NAV3: variants seen among roughly 807,000 people sequenced by gnomAD.
The protein encoded by NAV3 is pore membrane and/or filament interacting like protein 1.
Under a neutral mutation model 244.7 loss-of-function variants are expected in NAV3, and 87 were observed. The observed-to-expected ratio is 0.36, with a 90% CI of 0.30 to 0.42. NAV3 has a LOEUF of 0.42. Ranked by LOEUF, NAV3 falls within the 20% of genes least tolerant of loss-of-function variation. The pLI, the probability that NAV3 is intolerant of heterozygous loss-of-function variation, is 1.00. For synonymous variants in NAV3, 1,126 were observed against 1,042.2 expected, an observed-to-expected ratio of 1.08 and a Z score of -1.55; for missense variants, 2,663 against 2,893.3, an observed-to-expected ratio of 0.92 and a Z score of 1.83.
chr12:77,708,489 C>T (rs963105870), intron 2 of NAV3, among the ~76,000 whole-genome samples: 196 of 152,130 alleles, frequency 1.3e-3, no homozygotes, highest in East Asian at 8.3e-3. Flanking sequence ...AGTCAGGTAG[C>T]GTGATGCCTC....
At chr12:78,069,680 A>C (rs1406912167) in intron 12 of NAV3, among the ~76,000 whole-genome samples, 2 of 152,072 alleles carry the variant, frequency 1.3e-5, no homozygotes, top group African/African-American at 4.8e-5. Context: ...ATTTATATGC[A>C]GAACAATTAG....
chr12:77,657,394 A>G (rs1285388501), intron 2 of NAV3, among the ~76,000 whole-genome samples: 1 of 152,204 alleles, frequency 6.6e-6, no homozygotes, highest in African/African-American at 2.4e-5. Context: ...ACACTCTCCC[A>G]AGACTAAACC....
At chr12:78,161,966 A>G (rs1593851544) in intron 23 of NAV3, among the ~76,000 whole-genome samples, 2 of 152,134 alleles carry the variant, frequency 1.3e-5, no homozygotes, top group South Asian at 4.1e-4. Flanking sequence ...CAAGGAAGCT[A>G]TAGTACAAAG....
At chr12:77,853,076 T>C (rs974610226) in intron 1 of NAV3, among the ~76,000 whole-genome samples, 2 of 152,194 alleles carry the variant, frequency 1.3e-5, no homozygotes, top group Non-Finnish European at 2.9e-5. Flanking sequence ...CTAAAGTGGT[T>C]GTACCAGATT....
At chr12:77,914,593 G>T (rs998020870) in intron 1 of NAV3, among the ~76,000 whole-genome samples, 1 of 152,054 alleles carries the variant, frequency 6.6e-6, no homozygotes, top group Non-Finnish European at 1.5e-5. Flanking sequence ...GGGTTTGCTA[G>T]TGCTCTTTGG....
chr12:77,868,186 C>A (rs893307353), intron 1 of NAV3, among the ~76,000 whole-genome samples: 1 of 151,638 alleles, frequency 6.6e-6, no homozygotes, highest in African/African-American at 2.4e-5. Flanking sequence ...ATAATCAGGG[C>A]ATATGTTCCT....
rs11831543 is a variant in NAV3 at position 78,040,820 on chromosome 12, T to C, written c.2024-9173T>C. On this transcript the variant is annotated intron_variant, in intron 9 of 39. Transcript: ENST00000397909. The stretch of plus-strand genomic sequence containing the variant: ...CAATAACTGTATGAAATCTTTCATA[T>C]TGAATCTTAGGTTTAGTGCTTCTCC... Among the ~76,000 whole-genome samples the C allele has an allele frequency of 4.0e-3, 607 of 152,320 alleles. 7 individuals carry two copies. Among genetic ancestry groups the C allele is most frequent in the African/African-American group, 0.014 (584 of 41,578 alleles).
At chr12:78,179,447 A>C in intron 28 of NAV3, 82 bp from the exon 29 acceptor site, 2 of 1,517,642 alleles carry the variant, frequency 1.3e-6, no homozygotes, top group Non-Finnish European at 1.8e-6. Flanking sequence ...AGAATATTGC[A>C]GTGCAGCCTT....
At chr12:78,064,932 T>C (rs568662547) in intron 12 of NAV3, among the ~76,000 whole-genome samples, 6 of 151,756 alleles carry the variant, frequency 4.0e-5, no homozygotes, top group African/African-American at 1.5e-4. Flanking sequence ...AAGCCAAGAG[T>C]CTGGACTCTT....
At chr12:78,047,358 G>A (rs938358024) in intron 9 of NAV3, among the ~76,000 whole-genome samples, 4 of 152,060 alleles carry the variant, frequency 2.6e-5, no homozygotes, top group Non-Finnish European at 5.9e-5. Flanking sequence ...CTGGCAACGG[G>A]TGCCTGTAGT....
intron 2 of NAV3, among the ~76,000 whole-genome samples, chr12:77,594,620 T>C (rs532466908): frequency 8.0e-4 from 121 of 152,186 alleles, no homozygotes; most frequent in Admixed American, 3.6e-3. Context: ...GGCGAGTGAG[T>C]CATAAAAGAA....
chr12:77,779,496 A>G (rs1310195793), intron 2 of NAV3, among the ~76,000 whole-genome samples: 1 of 152,214 alleles, frequency 6.6e-6, no homozygotes, highest in Non-Finnish European at 1.5e-5. Flanking sequence ...TGAATAAAGT[A>G]TGAATGGTTC....
At chr12:78,159,461 C>T (rs563700472) in intron 23 of NAV3, among the ~76,000 whole-genome samples, 175 bp downstream of exon 23, 8 of 152,052 alleles carry the variant, frequency 5.3e-5, no homozygotes, top group East Asian at 1.9e-4. Context: ...GTCAGGAGTT[C>T]GAGACCAGCC....
chr12:77,701,843 G>A (rs1268831137), intron 2 of NAV3, among the ~76,000 whole-genome samples: 1 of 151,752 alleles, frequency 6.6e-6, no homozygotes, highest in Non-Finnish European at 1.5e-5. Context: ...AACATGTTTT[G>A]TAAGAGTTAA....
intron 1 of NAV3, among the ~76,000 whole-genome samples, chr12:77,922,589 A>C (rs1222326384): frequency 6.6e-6 from 1 of 152,146 alleles, no homozygotes; most frequent in Non-Finnish European, 1.5e-5. Context: ...CCACTGTTCC[A>C]GCTTAGGATC....
At chr12:77,905,467 T>G (rs900173815) in intron 1 of NAV3, among the ~76,000 whole-genome samples, 2 of 152,130 alleles carry the variant, frequency 1.3e-5, no homozygotes, top group African/African-American at 2.4e-5. Flanking sequence ...CCCTCACTTA[T>G]AGGACTGTTG....
chr12:77,816,190 C>A (rs561022098), intron 2 of NAV3, among the ~76,000 whole-genome samples: 2 of 152,140 alleles, frequency 1.3e-5, no homozygotes, highest in Non-Finnish European at 2.9e-5. Flanking sequence ...AAATACTAGA[C>A]ACAGAAGGTC....
intron 26 of NAV3, 146 bp from the exon 27 acceptor site, chr12:78,176,995 G>T: frequency 2.9e-6 from 2 of 696,814 alleles, no homozygotes; most frequent in Non-Finnish European, 4.9e-6. Context: ...TTTTTTTTTA[G>T]AGATACTGTG....
intron 1 of NAV3, among the ~76,000 whole-genome samples, chr12:77,922,329 G>C (rs74106214): frequency 6.6e-6 from 1 of 152,014 alleles, no homozygotes; most frequent in Admixed American, 6.6e-5. Context: ...GAGGGCCAGC[G>C]CTTCTTTTCC....
Sources: allele counts gnomAD v4.1 joint callset (sites outside exome capture counted in the v4.1 genomes callset), GRCh38; gene constraint gnomAD v4.1.1; transcripts MANE v1.5; gene names NCBI Gene and HGNC (gene_info 2026-07-23, HGNC 2026-07-21).